The following CD1B variants were observed in gnomAD, a reference collection of about 807,000 sequenced individuals.
CD1B encodes T-cell surface glycoprotein CD1b.
A neutral mutation model predicts 39.8 loss-of-function variants in CD1B; 43 were observed. The ratio of observed to expected loss-of-function variants is 1.08; its 90% CI spans 0.85 to 1.39. The LOEUF is 1.39. Ranked by LOEUF, CD1B falls within the 40% of genes most tolerant of loss-of-function variation. The pLI, the probability that CD1B is intolerant of heterozygous loss-of-function variation, is 0.00. For missense variants in CD1B, 495 were observed against 403.8 expected (o/e 1.23, Z -1.94); for synonymous variants, 192 against 152.5 (o/e 1.26, Z -1.91).
rs762905526 is a variant in CD1B, at chr1:158,331,020, G to C, written c.104C>G (p.Ser35Cys). The C allele has an allele frequency of 3.1e-6, 5 of 1,614,088 alleles. No individual in the cohort carries two copies. Among genetic ancestry groups the C allele is most frequent in the Non-Finnish European group, 3.4e-6 (4 of 1,180,004 alleles). Residue 35 changes from serine (S) to cysteine (C), a missense_variant, in exon 2 of 6, where the codon TCC becomes TGC. Coordinates refer to ENST00000368168, the MANE Select transcript of CD1B (RefSeq NM_001764.3). ...PTSFHVIQTS[S>C]FTNSTWAQTQ... ...TTGTGCCCAGGTACTATTGGTAAAG[G>C]ACGAGGTCTGGATAACATGAAAGGA...
the CD1B span, among the ~76,000 whole-genome samples, chr1:158,287,668 T>C: frequency 1.3e-5 from 2 of 152,178 alleles, no homozygotes; most frequent in Admixed American, 6.5e-5. Flanking sequence ...TCATGTTATT[T>C]TCAACTTGTT....
chr1:158,301,751 T>A, the CD1B span, among the ~76,000 whole-genome samples: 1 of 152,136 alleles, frequency 6.6e-6, no homozygotes, highest in African/African-American at 2.4e-5. Context: ...GTGAGTCTGA[T>A]AATTATGTGT....
chr1:158,304,834 A>G, the CD1B span, among the ~76,000 whole-genome samples: 6 of 152,324 alleles, frequency 3.9e-5, no homozygotes, highest in East Asian at 1.2e-3. Context: ...CAGGGTCTGG[A>G]GTAGACCTCC....
At chr1:158,292,943 G>A in the CD1B span, 8 of 1,480,558 alleles carry the variant, frequency 5.4e-6, no homozygotes, top group African/African-American at 1.1e-4. Context: ...AGGAAATTTT[G>A]AGGATAGCAG....
chr1:158,327,442 G>A (rs1452190098), downstream of CD1B, among the ~76,000 whole-genome samples: 3 of 151,898 alleles, frequency 2.0e-5, no homozygotes, highest in Non-Finnish European at 2.9e-5. Context: ...TGGCTAAGTG[G>A]AAACTATTTT....
chr1:158,324,351 C>T (rs1198115598), downstream of CD1B, among the ~76,000 whole-genome samples: 3 of 152,286 alleles, frequency 2.0e-5, no homozygotes, highest in African/African-American at 7.2e-5. Flanking sequence ...ATTCCTGAGG[C>T]TTCTACAGAG....
downstream of CD1B, among the ~76,000 whole-genome samples, chr1:158,325,557 GAA>G (rs139988688): frequency 1.9e-3 from 288 of 152,170 alleles, 1 homozygote; most frequent in African/African-American, 6.7e-3. Flanking sequence ...TAATTGTAGA[GAA>G]GTTTATAAAT....
chr1:158,319,806 G>T, the CD1B span, among the ~76,000 whole-genome samples: 3 of 152,148 alleles, frequency 2.0e-5, no homozygotes, highest in Non-Finnish European at 2.9e-5. Context: ...ATCTATTTTG[G>T]TCTTTGATGA....
the CD1B span, chr1:158,291,137 C>G: frequency 6.2e-7 from 1 of 1,612,064 alleles, no homozygotes; most frequent in Admixed American, 1.7e-5. Context: ...CCAAAAGCAT[C>G]CCAGGAACAC....
chr1:158,323,413 A>T (rs769270157), downstream of CD1B, among the ~76,000 whole-genome samples: 142 of 152,176 alleles, frequency 9.3e-4, 2 homozygotes, highest in Middle Eastern at 0.02. Context: ...TTTTACTGAA[A>T]TTCACTAAGC....
the CD1B span, chr1:158,289,827 G>A: frequency 6.5e-6 from 3 of 463,886 alleles, no homozygotes; most frequent in African/African-American, 5.9e-5. Flanking sequence ...GAGCTTAGTG[G>A]CAGAGCAGCT....
the CD1B span, among the ~76,000 whole-genome samples, chr1:158,300,949 G>T: frequency 6.6e-6 from 1 of 151,442 alleles, no homozygotes; most frequent in Non-Finnish European, 1.5e-5. Flanking sequence ...TAATATAGAT[G>T]GGGTTTCACC....
At chr1:158,292,020 GTT>G in the CD1B span, 1 of 1,513,042 alleles carries the variant, frequency 6.6e-7, no homozygotes, top group Middle Eastern at 2.4e-4. Context: ...ACAGCCCTAG[GTT>G]TTTATACTGT....
the CD1B span, among the ~76,000 whole-genome samples, chr1:158,310,595 A>G: frequency 6.6e-6 from 1 of 152,294 alleles, no homozygotes; most frequent in East Asian, 1.9e-4. Context: ...CCCAGCATCT[A>G]TAAGGAACTT....
the CD1B span, chr1:158,292,628 A>T: frequency 2.5e-6 from 4 of 1,613,040 alleles, no homozygotes; most frequent in East Asian, 8.9e-5. Flanking sequence ...CAGTCGCCCC[A>T]GCCTTGGGTC....
chr1:158,308,789 T>C, the CD1B span, among the ~76,000 whole-genome samples: 9 of 152,314 alleles, frequency 5.9e-5, no homozygotes, highest in South Asian at 1.5e-3. Context: ...TGTAGAAAGC[T>C]GAAACTGGAT....
chr1:158,292,045 T>C, the CD1B span: 1 of 1,572,806 alleles, frequency 6.4e-7, no homozygotes, highest in Non-Finnish European at 8.6e-7. Context: ...TTTTCACTTT[T>C]TTGTTTGAAC....
chr1:158,292,886 G>A, the CD1B span: 5 of 1,612,652 alleles, frequency 3.1e-6, no homozygotes, highest in African/African-American at 4.0e-5. Context: ...TAAGACTGGA[G>A]GTTGGAAGTG....
chr1:158,306,540 G>T, the CD1B span, among the ~76,000 whole-genome samples: 1 of 152,236 alleles, frequency 6.6e-6, no homozygotes. Flanking sequence ...AAGTTAACAA[G>T]GATATCCAGG....
Sources: gnomAD v4.1 joint callset for allele counts (sites outside exome capture counted in the v4.1 genomes callset) on GRCh38, gnomAD v4.1.1 for gene constraint, MANE v1.5 for transcripts, NCBI Gene and HGNC (gene_info 2026-07-23, HGNC 2026-07-21) for gene names.